Variants in ELMOD1 observed in about 807,000 individuals in gnomAD.
ELMOD1 encodes the protein ELMO domain containing 1, also known as ELMO domain-containing protein 1.
ELMOD1 carries 21 observed loss-of-function variants against 46.7 expected under a neutral mutation model. The ratio of observed to expected loss-of-function variants is 0.45; its 90% confidence interval spans 0.32 to 0.65. ELMOD1 has a LOEUF of 0.65. Ranked by LOEUF, ELMOD1 falls within the 30% of genes least tolerant of loss-of-function variation. The pLI is 0.04. For synonymous variants in ELMOD1, 122 were observed against 138.2 expected (o/e 0.88, Z 0.82); for missense variants, 348 against 407.8 (o/e 0.85, Z 1.26).
chr11:107,610,813 T>C (rs984132856), intron 1 of ELMOD1, among the ~76,000 whole-genome samples: 2 of 152,012 alleles, frequency 1.3e-5, no homozygotes, highest in Admixed American at 6.6e-5. Flanking sequence ...TAGAATGCTA[T>C]GCAGAAGAAG....
intron 5 of ELMOD1, among the ~76,000 whole-genome samples, chr11:107,633,429 A>G (rs1408690846): frequency 1.3e-5 from 2 of 151,988 alleles, no homozygotes; most frequent in African/African-American, 4.8e-5. Context: ...AAATTTATTT[A>G]TTTATTTTAA....
chr11:107,665,557 C>G lies in ELMOD1; in HGVS notation c.*360C>G, dbSNP rs182166220. On this transcript the variant is annotated 3_prime_UTR_variant, in exon 12 of 12. Coordinates refer to ENST00000265840, the MANE Select transcript of ELMOD1 (RefSeq NM_018712.4). ...GTATGTAAGAGGTTTAGCTGAATCTCATTCTGTGAAAGCCTTTTAATTTAT... is the reference window on the plus strand; with the variant it reads ...GTATGTAAGAGGTTTAGCTGAATCTGATTCTGTGAAAGCCTTTTAATTTAT... 65 of 180,966 alleles carry G rather than the reference C, an allele frequency of 3.6e-4. 1 individual carries two copies. The highest frequency in any genetic ancestry group is 1.5e-3 in the African/African-American group (64 of 42,412). 11.2% of individuals were successfully genotyped at this position (180,966 alleles called of 1,614,324 possible). A position where few individuals can be genotyped will look rare whatever the true frequency, so the allele number is the denominator to read the frequency against.
chr11:107,608,594 A>G (rs1044076505), intron 1 of ELMOD1, among the ~76,000 whole-genome samples: 2 of 152,208 alleles, frequency 1.3e-5, no homozygotes, highest in African/African-American at 4.8e-5. Context: ...TTTCAGAATT[A>G]TACTGCCAAC....
At chr11:107,597,609 G>A (rs773207304) in intron 1 of ELMOD1, among the ~76,000 whole-genome samples, 40 of 152,022 alleles carry the variant, frequency 2.6e-4, no homozygotes, top group Admixed American at 9.2e-4. Flanking sequence ...GAGCTCCCAG[G>A]CACTTATCCA....
intron 1 of ELMOD1, chr11:107,591,649 C>T (rs1207176416): frequency 5.5e-6 from 2 of 363,270 alleles, no homozygotes; most frequent in East Asian, 7.7e-5. Context: ...AATTAACACC[C>T]GAGAGGCTGC....
chr11:107,653,619 TCTC>T (rs1866567908), intron 9 of ELMOD1: 1 of 139,886 alleles, frequency 7.1e-6, no homozygotes, highest in African/African-American at 2.6e-5. Context: ...CTCTCCTCCC[TCTC>T]CTCCTTTCCT....
intron 11 of ELMOD1, 77 bp downstream of exon 11, chr11:107,656,143 T>C: frequency 6.8e-7 from 1 of 1,472,412 alleles, no homozygotes; most frequent in Non-Finnish European, 9.2e-7. Context: ...ATCCCAGCAC[T>C]TTGGGAGGCC....
At chr11:107,648,457 C>T (rs1232966830) in intron 7 of ELMOD1, among the ~76,000 whole-genome samples, 1 of 152,244 alleles carries the variant, frequency 6.6e-6, no homozygotes, top group East Asian at 1.9e-4. Flanking sequence ...TGTCCCTCCA[C>T]TCTCAGCCCT....
At chr11:107,623,448 G>T (rs566110294) in intron 2 of ELMOD1, 3 of 152,304 alleles carry the variant, frequency 2.0e-5, no homozygotes, top group South Asian at 4.1e-4. Context: ...AGCTCTTCCC[G>T]CAGAGCATGA....
At chr11:107,664,921 G>T in intron 11 of ELMOD1, 104 bp from the exon 12 acceptor site, 2 of 1,022,686 alleles carry the variant, frequency 2.0e-6, no homozygotes, top group Non-Finnish European at 2.9e-6. Flanking sequence ...CTCCACGGTT[G>T]CTGTGGCTTG....
intron 2 of ELMOD1, chr11:107,623,733 C>G (rs890330475): frequency 2.0e-5 from 3 of 152,064 alleles, no homozygotes; most frequent in African/African-American, 7.2e-5. Context: ...CTGTCCTTTT[C>G]CTTGCTAGAC....
chr11:107,656,445 A>G (rs1024112310), intron 11 of ELMOD1, among the ~76,000 whole-genome samples: 1 of 147,980 alleles, frequency 6.8e-6, no homozygotes, highest in Non-Finnish European at 1.5e-5. Context: ...TACATGATAT[A>G]TATAAAAATA....
At position 107,650,219 on chromosome 11, in the gene ELMOD1, T is replaced by TA. The variant is rs765452639; in HGVS notation, c.555-114dup. ...TCCCTGGAGGAGCTGAAACAAGTGA[T>TA]AACCTTATGCCAGTATCCATCTCTG... On this transcript the variant is annotated intron_variant, in intron 7 of 11. Transcript: ENST00000265840. 43 of 669,920 alleles carry TA rather than the reference T, an allele frequency of 6.4e-5. No individual in the cohort carries two copies. The South Asian group carries it at 8.5e-4, about 13-fold the overall frequency. 41.5% of individuals were successfully genotyped at this position (669,920 alleles called of 1,614,324 possible).
intron 1 of ELMOD1, among the ~76,000 whole-genome samples, chr11:107,613,268 T>C (rs984170798): frequency 6.6e-6 from 1 of 152,234 alleles, no homozygotes; most frequent in Non-Finnish European, 1.5e-5. Context: ...CCTGTAACTA[T>C]GCTGAGTGCC....
chr11:107,607,947 T>A (rs1187611772), intron 1 of ELMOD1, among the ~76,000 whole-genome samples: 1 of 150,086 alleles, frequency 6.7e-6, no homozygotes, highest in Non-Finnish European at 1.5e-5. Flanking sequence ...GTGTGTGAAC[T>A]CCCGGCTCCC....
At chr11:107,664,093 C>T (rs1473516698) in intron 11 of ELMOD1, among the ~76,000 whole-genome samples, 2 of 152,080 alleles carry the variant, frequency 1.3e-5, no homozygotes, top group South Asian at 2.1e-4. Context: ...TCAGGTGATC[C>T]ACCTCAGCCT....
rs893175472 is a variant in ELMOD1, at chr11:107,618,201, C to T, written c.12C>T (p.Phe4=). 2 of 1,566,060 alleles carry T rather than the reference C, an allele frequency of 1.3e-6. No homozygotes were observed. The highest frequency in any genetic ancestry group is 1.7e-6 in the Non-Finnish European group (2 of 1,154,428). The change falls in exon 2 of 12, where the codon TTC becomes TTT. Residue 4 remains phenylalanine, a synonymous_variant. Coordinates refer to ENST00000265840, the MANE Select transcript of ELMOD1 (RefSeq NM_018712.4). ...TCAACACGGGCACCATGAAGCACTT[C>T]CTGAGGTATGTGTTTACGGTTCCCT... MKH[F]LRMLIQVCLY... is the part of the protein sequence containing the mutation.
At chr11:107,630,750 C>T in intron 4 of ELMOD1, 22 bp downstream of exon 4, 1 of 1,585,560 alleles carries the variant, frequency 6.3e-7, no homozygotes, top group Non-Finnish European at 8.6e-7. Flanking sequence ...TATTTTTCAG[C>T]AGCTTTTTTT....
rs549578893 is a variant in ELMOD1, at chr11:107,636,240, A to C, written c.420+475A>C. Among the ~76,000 whole-genome samples the C allele has an allele frequency of 1.0e-3, 158 of 152,354 alleles. 2 individuals are homozygous for C. Among genetic ancestry groups the C allele is most frequent in the African/African-American group, 3.5e-3 (147 of 41,580 alleles). Reference sequence around the variant, plus strand: ...TTTATGCATGTAACTTAGTATTAGAAGAGGTAAAGGTTTATATTTGGCACA... The same window carrying C: ...TTTATGCATGTAACTTAGTATTAGACGAGGTAAAGGTTTATATTTGGCACA... On this transcript the variant is annotated intron_variant, in intron 6 of 11. Transcript: ENST00000265840.
Sources: gnomAD v4.1 joint callset for allele counts (sites outside exome capture counted in the v4.1 genomes callset) on GRCh38, gnomAD v4.1.1 for gene constraint, MANE v1.5 for transcripts, NCBI Gene and HGNC (gene_info 2026-07-23, HGNC 2026-07-21) for gene names.